CCSER1: variants seen among roughly 807,000 people sequenced by gnomAD.
CCSER1 encodes the protein serine-rich coiled-coil domain-containing protein 1.
Under a neutral mutation model 82.0 loss-of-function variants are expected in CCSER1, and 41 were observed. The observed-to-expected ratio is 0.50, with a 90% confidence interval of 0.39 to 0.65. The LOEUF (loss-of-function observed/expected upper bound fraction) is 0.65, where lower values mean the gene tolerates loss of function less well. Ranked by LOEUF, CCSER1 falls within the 30% of genes least tolerant of loss-of-function variation. The pLI is 0.00. For missense variants in CCSER1, 1,119 were observed against 1,064.2 expected (o/e 1.05, Z -0.72); for synonymous variants, 414 against 383.9 (o/e 1.08, Z -0.92).
chr4:90,267,204 G>A (rs974664352), intron 1 of CCSER1, among the ~76,000 whole-genome samples: 1 of 151,294 alleles, frequency 6.6e-6, no homozygotes, highest in African/African-American at 2.5e-5. Flanking sequence ...GTGGTACCCT[G>A]GCAGTACATT....
chr4:90,734,859 T>C (rs891215823), intron 7 of CCSER1, among the ~76,000 whole-genome samples: 2 of 152,162 alleles, frequency 1.3e-5, no homozygotes, highest in African/African-American at 4.8e-5. Flanking sequence ...CAGCACTATA[T>C]TGAATAACAG....
intron 10 of CCSER1, among the ~76,000 whole-genome samples, chr4:91,191,116 C>T (rs1023828403): frequency 1.3e-5 from 2 of 152,094 alleles, no homozygotes; most frequent in African/African-American, 4.8e-5. Context: ...TAGGTAAATG[C>T]CAAGCATCAT....
chr4:90,881,678 A>C (rs1721342521), intron 8 of CCSER1, among the ~76,000 whole-genome samples: 1 of 152,092 alleles, frequency 6.6e-6, no homozygotes, highest in Admixed American at 6.6e-5. Context: ...CTGGCTACTG[A>C]GGAGGCCGAG....
chr4:91,534,187 GCCTATTTATA>G (rs1391913582), intron 10 of CCSER1, among the ~76,000 whole-genome samples: 1 of 151,668 alleles, frequency 6.6e-6, no homozygotes, highest in African/African-American at 2.4e-5. Context: ...ACTACTATTG[GCCTATTTATA>G]CCTTTTTCCA....
chr4:90,326,055 CTTT>C (rs371592827), intron 3 of CCSER1, among the ~76,000 whole-genome samples: 2 of 111,586 alleles, frequency 1.8e-5, no homozygotes, highest in Admixed American at 1.1e-4. Context: ...TATGTGATAC[CTTT>C]TTTTTTTTTT....
chr4:91,593,755 T>TAAATTGC (rs1350593905), intron 10 of CCSER1, among the ~76,000 whole-genome samples: 1 of 152,062 alleles, frequency 6.6e-6, no homozygotes, highest in East Asian at 1.9e-4. Flanking sequence ...GAACACAAAA[T>TAAATTGC]AAATTGCAAT....
intron 7 of CCSER1, 82 bp downstream of exon 7, chr4:90,724,073 G>A (rs1743204844): frequency 1.2e-6 from 1 of 832,356 alleles, no homozygotes; most frequent in Non-Finnish European, 1.9e-6. Context: ...TGTGTAGATG[G>A]TGAAGTGAAC....
chr4:90,460,430 T>C lies in CCSER1; in HGVS notation c.1604-7804T>C, dbSNP rs142530996. ...AGACCTGATATATTCCAACCATCTG[T>C]CATAAAATGAAAGGTTACTATTGGC... is the stretch of plus-strand genomic sequence containing the variant. On this transcript the variant is annotated intron_variant, in intron 4 of 10. Coordinates refer to ENST00000509176, the MANE Select transcript of CCSER1 (RefSeq NM_001145065.2). 4.6e-3 allele frequency among the ~76,000 whole-genome samples: 693 copies of C among 151,768 alleles called. 2 individuals carry two copies. Among genetic ancestry groups the C allele is most frequent in the Non-Finnish European group, 7.8e-3 (528 of 67,962 alleles).
rs1386037134 is a variant in CCSER1 at position 91,081,968 on chromosome 4, C to T, written c.2173-3982C>T. Among the ~76,000 whole-genome samples, 7 of 152,090 alleles carry T rather than the reference C, an allele frequency of 4.6e-5. No homozygotes were observed. In the East Asian group the frequency reaches 5.8e-4, roughly 13 times the overall value. ...GCTCATGGGTAGGAAGAATCAATAT[C>T]GTGAAAATGGCCATACTGCCCAAGG... is the stretch of plus-strand genomic sequence containing the variant. On this transcript the variant is annotated intron_variant, in intron 9 of 10. Transcript: ENST00000509176.
At chr4:90,154,929 G>C (rs922482780) in intron 1 of CCSER1, among the ~76,000 whole-genome samples, 24 of 152,112 alleles carry the variant, frequency 1.6e-4, no homozygotes, top group Non-Finnish European at 1.5e-4. Flanking sequence ...GAATAGGAGT[G>C]GTGAGAGAGG....
chr4:91,309,599 G>A (rs912419348), intron 10 of CCSER1, among the ~76,000 whole-genome samples: 9 of 151,890 alleles, frequency 5.9e-5, no homozygotes, highest in Admixed American at 5.9e-4. Context: ...GTTTGCTTAA[G>A]ACAGTGTTAC....
At position 90,545,383 on chromosome 4, in the gene CCSER1, C is replaced by T. The variant is rs187000756; in HGVS notation, c.1724+77029C>T. The stretch of plus-strand genomic sequence containing the variant: ...AATTTTTTCCCTCCTAAAAACAAGG[C>T]GATTTTCTTCAATGACTATAAGGTT... On this transcript the variant is annotated intron_variant, in intron 5 of 10. Transcript: ENST00000509176. 4.3e-3 allele frequency among the ~76,000 whole-genome samples: 651 copies of T among 152,080 alleles called. 1 individual carries two copies. The highest frequency in any genetic ancestry group is 6.9e-3 in the Non-Finnish European group (471 of 67,964).
At chr4:90,819,103 A>T (rs978630453) in intron 8 of CCSER1, among the ~76,000 whole-genome samples, 10 of 152,046 alleles carry the variant, frequency 6.6e-5, no homozygotes, top group African/African-American at 2.4e-4. Context: ...TGGCTTGCAG[A>T]TGGCCATCTT....
intron 3 of CCSER1, among the ~76,000 whole-genome samples, chr4:90,344,860 G>A (rs1273987907): frequency 6.6e-6 from 1 of 152,010 alleles, no homozygotes; most frequent in Non-Finnish European, 1.5e-5. Flanking sequence ...GAGAACATAT[G>A]TATATTAAAT....
At chr4:90,289,194 A>G (rs553923238) in intron 1 of CCSER1, among the ~76,000 whole-genome samples, 3 of 152,028 alleles carry the variant, frequency 2.0e-5, no homozygotes, top group East Asian at 3.9e-4. Context: ...ACACATTTGC[A>G]TATATTTTTC....
intron 3 of CCSER1, chr4:90,369,999 C>G (rs1747097378): frequency 6.6e-6 from 1 of 151,848 alleles, no homozygotes; most frequent in Non-Finnish European, 1.5e-5. Flanking sequence ...GGAGTTTTAC[C>G]TAACAATTAT....
chr4:91,508,571 T>G (rs978327630), intron 10 of CCSER1, among the ~76,000 whole-genome samples: 9 of 151,764 alleles, frequency 5.9e-5, no homozygotes, highest in African/African-American at 2.2e-4. Context: ...TTTTTTTTTT[T>G]TTCACATGAA....
intron 9 of CCSER1, among the ~76,000 whole-genome samples, chr4:91,072,755 C>G (rs1184292510): frequency 6.6e-6 from 1 of 151,984 alleles, no homozygotes. Context: ...CTCCTTCCCT[C>G]AATTTTTCTA....
At chr4:90,489,358 G>T (rs1767606159) in intron 5 of CCSER1, among the ~76,000 whole-genome samples, 3 of 152,134 alleles carry the variant, frequency 2.0e-5, no homozygotes, top group Admixed American at 2.0e-4. Context: ...GAACTAGTGT[G>T]CTATTTTAAG....
Sources: gnomAD v4.1 joint callset for allele counts (sites outside exome capture counted in the v4.1 genomes callset) on GRCh38, gnomAD v4.1.1 for gene constraint, MANE v1.5 for transcripts, NCBI Gene and HGNC (gene_info 2026-07-23, HGNC 2026-07-21) for gene names.